NXPE2: variants seen among roughly 807,000 people sequenced by gnomAD.
The protein encoded by NXPE2 is neurexophilin and PC-esterase domain family member 2, also known as NXPE family member 2.
A neutral mutation model predicts 34.4 loss-of-function variants in NXPE2; 34 were observed. The observed-to-expected ratio is 0.99, with a 90% CI of 0.75 to 1.31. NXPE2 has a LOEUF of 1.31. NXPE2 is among the 40% of genes most tolerant of loss of function. The pLI, the probability that NXPE2 is intolerant of heterozygous loss-of-function variation, is 0.00. For synonymous variants in NXPE2, 235 were observed against 231.3 expected (o/e 1.02, Z -0.15); for missense variants, 649 against 672.5 (o/e 0.97, Z 0.39).
chr11:114,727,817 A>ACG, the NXPE2 span, among the ~76,000 whole-genome samples: 1 of 151,130 alleles, frequency 6.6e-6, no homozygotes, highest in Admixed American at 6.6e-5. Flanking sequence ...ACACACACAC[A>ACG]TATCTTTCCC....
the NXPE2 span, among the ~76,000 whole-genome samples, chr11:114,799,944 G>A: frequency 1.4e-5 from 2 of 147,542 alleles, no homozygotes; most frequent in South Asian, 2.2e-4. Flanking sequence ...GTCTTCATCC[G>A]TTTTCTCTCC....
At chr11:114,719,216 A>G in the NXPE2 span, among the ~76,000 whole-genome samples, 1 of 152,162 alleles carries the variant, frequency 6.6e-6, no homozygotes, top group Non-Finnish European at 1.5e-5. Flanking sequence ...ATAAATAATA[A>G]TGCCCCTCCA....
At chr11:114,728,348 G>A in the NXPE2 span, among the ~76,000 whole-genome samples, 2 of 152,048 alleles carry the variant, frequency 1.3e-5, no homozygotes, top group African/African-American at 4.8e-5. Flanking sequence ...GCATCATTCT[G>A]CCTTCCACAC....
the NXPE2 span, among the ~76,000 whole-genome samples, chr11:114,563,732 A>T: frequency 6.6e-6 from 1 of 152,296 alleles, no homozygotes; most frequent in Non-Finnish European, 1.5e-5. Flanking sequence ...GCTCAACATC[A>T]CTAATTATCA....
chr11:114,630,988 C>G, the NXPE2 span, among the ~76,000 whole-genome samples: 1 of 150,804 alleles, frequency 6.6e-6, no homozygotes, highest in Non-Finnish European at 1.5e-5. Flanking sequence ...CATCTCACAC[C>G]AGTTAGAATG....
chr11:114,741,385 G>A, the NXPE2 span, among the ~76,000 whole-genome samples: 1 of 152,090 alleles, frequency 6.6e-6, no homozygotes, highest in South Asian at 2.1e-4. Context: ...GGAGTTTTCA[G>A]CCATTACTAC....
the NXPE2 span, among the ~76,000 whole-genome samples, chr11:114,533,580 C>T: frequency 1.3e-5 from 2 of 152,190 alleles, no homozygotes; most frequent in Admixed American, 6.5e-5. Flanking sequence ...TCGGGTCACT[C>T]CCACCCTAAT....
chr11:114,606,952 G>A, the NXPE2 span, among the ~76,000 whole-genome samples: 47 of 151,794 alleles, frequency 3.1e-4, no homozygotes, highest in Non-Finnish European at 1.2e-4. Flanking sequence ...GTTATCCTGT[G>A]GATAATAAGT....
the NXPE2 span, among the ~76,000 whole-genome samples, chr11:114,586,148 A>G: frequency 6.6e-6 from 1 of 151,954 alleles, no homozygotes; most frequent in Non-Finnish European, 1.5e-5. Flanking sequence ...CATCTATAAA[A>G]TCTCCTGCAC....
At position 114,698,640 on chromosome 11, in the gene NXPE2, A is replaced by G; in HGVS notation, c.728A>G (p.Gln243Arg). The stretch of plus-strand genomic sequence containing the variant: ...CTAAACACAAATGCTGAACTGTGCC[A>G]GTACATGGATGACAGAGACCAAGAA... ...LTLNTNAELC[Q>R]YMDDRDQEAF... The change falls in exon 3 of 6, where the codon CAG becomes CGG. Residue 243 changes from glutamine (Q) to arginine (R), a missense_variant. Gln to Arg is a conservative substitution (Grantham distance 43). Coordinates refer to ENST00000389586, the MANE Select transcript of NXPE2 (RefSeq NM_182495.6). The G allele has an allele frequency of 6.2e-7, 1 of 1,614,220 alleles. No homozygotes were observed. The highest frequency in any genetic ancestry group is 8.5e-7 in the Non-Finnish European group (1 of 1,180,020).
the NXPE2 span, among the ~76,000 whole-genome samples, chr11:114,718,478 A>T: frequency 6.6e-6 from 1 of 152,222 alleles, no homozygotes; most frequent in Non-Finnish European, 1.5e-5. Context: ...AAAACATGCA[A>T]CAATATGACT....
chr11:114,653,939 G>A, the NXPE2 span, among the ~76,000 whole-genome samples: 1 of 152,106 alleles, frequency 6.6e-6, no homozygotes, highest in African/African-American at 2.4e-5. Flanking sequence ...ATGATGTCTT[G>A]AAACATGAGT....
chr11:114,650,259 A>G, the NXPE2 span, among the ~76,000 whole-genome samples: 1 of 152,202 alleles, frequency 6.6e-6, no homozygotes, highest in Non-Finnish European at 1.5e-5. Context: ...TATAAAAAGG[A>G]AAGAAGAATC....
chr11:114,649,348 G>A, the NXPE2 span, among the ~76,000 whole-genome samples: 190 of 152,248 alleles, frequency 1.2e-3, no homozygotes, highest in African/African-American at 4.3e-3. Flanking sequence ...ATTTTAACTG[G>A]TGAATGGATA....
chr11:114,516,549 G>T, the NXPE2 span, among the ~76,000 whole-genome samples: 1 of 152,072 alleles, frequency 6.6e-6, no homozygotes, highest in African/African-American at 2.4e-5. Flanking sequence ...AGATTTTATT[G>T]CATAAGTGGA....
the NXPE2 span, chr11:114,582,745 C>A: frequency 6.2e-7 from 1 of 1,614,158 alleles, no homozygotes; most frequent in Middle Eastern, 1.6e-4. Flanking sequence ...CCCAAGTGGT[C>A]CCTCACCTCC....
the NXPE2 span, among the ~76,000 whole-genome samples, chr11:114,499,137 C>T: frequency 1.3e-5 from 2 of 151,950 alleles, no homozygotes; most frequent in Non-Finnish European, 1.5e-5. Flanking sequence ...TCACACGTCT[C>T]ATCCTTATTT....
chr11:114,522,164 A>C, the NXPE2 span: 1 of 1,614,058 alleles, frequency 6.2e-7, no homozygotes, highest in Non-Finnish European at 8.5e-7. Context: ...CTCTATGTGC[A>C]TCTCCCTGAT....
Position 114,707,031 on chromosome 11 carries a change from G to GA in NXPE2, c.*106dup. ...TCCAAGTTTTGAGGAAACTAAATTT[G>GA]AAAAAGTTCTATTAAAGTTAAATAT... On this transcript the variant is annotated 3_prime_UTR_variant, in exon 6 of 6. Transcript: ENST00000389586. The GA allele has an allele frequency of 1.1e-6, 1 of 888,616 alleles. No individual in the cohort carries two copies. Among genetic ancestry groups the GA allele is most frequent in the East Asian group, 2.7e-5 (1 of 37,726 alleles). 55.0% of individuals were successfully genotyped at this position (888,616 alleles called of 1,614,324 possible).
Sources: gnomAD v4.1 joint callset for allele counts (sites outside exome capture counted in the v4.1 genomes callset) on GRCh38, gnomAD v4.1.1 for gene constraint, MANE v1.5 for transcripts, NCBI Gene and HGNC (gene_info 2026-07-23, HGNC 2026-07-21) for gene names.